Variants in ATP10B observed in about 807,000 individuals in gnomAD.
The protein encoded by ATP10B is phospholipid-transporting ATPase VB.
A neutral mutation model predicts 141.2 loss-of-function variants in ATP10B; 122 were observed. The ratio of observed to expected loss-of-function variants is 0.86; its 90% CI spans 0.75 to 1.00. The LOEUF is 1.00. Among genes scored for constraint, ATP10B ranks in the 50% least tolerant of loss-of-function variants. The pLI, the probability that ATP10B is intolerant of heterozygous loss-of-function variation, is 0.00. For missense variants in ATP10B, 1,876 were observed against 1,825.3 expected, an observed-to-expected ratio of 1.03 and a Z score of -0.51; for synonymous variants, 685 against 692.0, an observed-to-expected ratio of 0.99 and a Z score of 0.16.
Position 160,632,312 on chromosome 5 carries a change from T to A in ATP10B, c.1437A>T (p.Gln479His). 1 of 1,614,208 alleles carries A rather than the reference T, an allele frequency of 6.2e-7. No homozygotes were observed. Among genetic ancestry groups the A allele is most frequent in the East Asian group, 2.2e-5 (1 of 44,882 alleles). ...ELDSDGEEWTQYQCLSFSARW... is the reference protein window; with the variant it reads ...ELDSDGEEWTHYQCLSFSARW... ...TAGCCGAGAAGGACAGGCATTGGTA[T>A]TGGGTCCACTCTTCACCATCTGAGT... Residue 479 changes from glutamine (Q) to histidine (H), a missense_variant, in exon 13 of 26, where the codon CAA becomes CAT. By Grantham distance (24) the Gln-to-His change is conservative. Coordinates refer to ENST00000327245, the MANE Select transcript of ATP10B (RefSeq NM_025153.3).
intron 2 of ATP10B, among the ~76,000 whole-genome samples, chr5:160,743,949 A>T (rs1166685689): frequency 2.6e-5 from 4 of 152,194 alleles, no homozygotes; most frequent in Non-Finnish European, 1.5e-5. Context: ...AGCTCCCACA[A>T]CAAAGAATTA....
intron 2 of ATP10B, among the ~76,000 whole-genome samples, chr5:160,728,926 A>G (rs571020418): frequency 1.3e-5 from 2 of 152,206 alleles, no homozygotes; most frequent in Non-Finnish European, 2.9e-5. Context: ...GCCCAGGAAA[A>G]TGAAAATCAA....
intron 1 of ATP10B, among the ~76,000 whole-genome samples, chr5:160,822,989 C>CATATATATATACAT (rs1179913686): frequency 1.4e-5 from 1 of 69,706 alleles, no homozygotes; most frequent in Admixed American, 2.1e-4. Flanking sequence ...ATTACATATA[C>CATATATATATACAT]ATATATATAT....
In ATP10B at chr5:160,603,961, A is replaced by G. The variant is rs1561645434; in HGVS notation, c.3237+4T>C. 6.2e-7 allele frequency: 1 copy of G among 1,610,486 alleles called. No individual in the cohort carries two copies. The highest frequency in any genetic ancestry group is 2.2e-5 in the East Asian group (1 of 44,848). The stretch of plus-strand genomic sequence containing the variant: ...GAAAGAAGAATAGTTGCAGAGAACA[A>G]TACCTGCATGCCTTCCTGTCCAGAT... On this transcript the variant is annotated splice_donor_region_variant and intron_variant, in intron 20 of 25. Transcript: ENST00000327245.
At chr5:160,892,837 T>G in the ATP10B span, among the ~76,000 whole-genome samples, 1 of 152,188 alleles carries the variant, frequency 6.6e-6, no homozygotes. Context: ...CATTTCAAAC[T>G]GAGGTACCTG....
the ATP10B span, among the ~76,000 whole-genome samples, chr5:160,918,050 G>C: frequency 6.6e-6 from 1 of 152,216 alleles, no homozygotes; most frequent in African/African-American, 2.4e-5. Flanking sequence ...AAGGAGAGCT[G>C]CGTGTTCTCA....
chr5:160,565,255 G>C lies in ATP10B; in HGVS notation c.*198C>G, dbSNP rs1754460893. On this transcript the variant is annotated 3_prime_UTR_variant, in exon 26 of 26. Coordinates refer to ENST00000327245, the MANE Select transcript of ATP10B (RefSeq NM_025153.3). ...CAAGATGTGCTGCCTGAGAGCAGCA[G>C]AAAACTAGAGGCCGACTGGGTTTCC... 1.7e-6 allele frequency: 1 copy of C among 600,822 alleles called. No individual in the cohort carries two copies. The highest frequency in any genetic ancestry group is 3.0e-5 in the Admixed American group (1 of 33,272). 37.2% of individuals were successfully genotyped at this position (600,822 alleles called of 1,614,324 possible). A position where few individuals can be genotyped will look rare whatever the true frequency, so the allele number is the denominator to read the frequency against.
At chr5:160,709,027 A>G (rs1306141579) in intron 3 of ATP10B, among the ~76,000 whole-genome samples, 1 of 152,214 alleles carries the variant, frequency 6.6e-6, no homozygotes, top group Non-Finnish European at 1.5e-5. Context: ...GTACAGACAG[A>G]CAGACCCCTT....
the ATP10B span, among the ~76,000 whole-genome samples, chr5:160,884,682 G>A: frequency 2.6e-5 from 4 of 152,002 alleles, no homozygotes; most frequent in African/African-American, 7.2e-5. Flanking sequence ...ATTGATATAA[G>A]TATTCCATTT....
chr5:160,909,527 C>T, the ATP10B span, among the ~76,000 whole-genome samples: 1 of 152,156 alleles, frequency 6.6e-6, no homozygotes, highest in Non-Finnish European at 1.5e-5. Flanking sequence ...GGTAAGTTTC[C>T]TGAATGCAGG....
At chr5:160,786,263 T>C (rs1203404297) in intron 1 of ATP10B, among the ~76,000 whole-genome samples, 2 of 152,132 alleles carry the variant, frequency 1.3e-5, no homozygotes, top group African/African-American at 4.8e-5. Flanking sequence ...GAAGCCAACA[T>C]GGGAAATCAA....
chr5:160,862,970 C>CA, the ATP10B span, among the ~76,000 whole-genome samples: 2 of 151,980 alleles, frequency 1.3e-5, no homozygotes, highest in African/African-American at 4.8e-5. Flanking sequence ...ACAAAAGAAA[C>CA]ATAGTGCTTT....
At chr5:160,675,681 A>G (rs1481894010) in intron 6 of ATP10B, among the ~76,000 whole-genome samples, 1 of 152,186 alleles carries the variant, frequency 6.6e-6, no homozygotes, top group Non-Finnish European at 1.5e-5. Context: ...CCATGTCACT[A>G]ACCCAGGGTG....
At chr5:160,923,593 A>G in the ATP10B span, among the ~76,000 whole-genome samples, 1 of 152,218 alleles carries the variant, frequency 6.6e-6, no homozygotes, top group Admixed American at 6.5e-5. Flanking sequence ...CACAGACATT[A>G]AAGAGGATGA....
At chr5:160,707,977 G>A (rs1765116531) in intron 3 of ATP10B, among the ~76,000 whole-genome samples, 5 of 152,174 alleles carry the variant, frequency 3.3e-5, no homozygotes, top group Admixed American at 3.3e-4. Context: ...ATGCCTCCAG[G>A]AAATATCCAC....
chr5:160,610,953 T>C (rs959600651), intron 18 of ATP10B, among the ~76,000 whole-genome samples: 3 of 152,146 alleles, frequency 2.0e-5, no homozygotes, highest in Admixed American at 6.5e-5. Context: ...CCTAAATCAA[T>C]TTATAGTGAA....
the ATP10B span, among the ~76,000 whole-genome samples, chr5:160,928,838 C>A: frequency 6.6e-6 from 1 of 152,248 alleles, no homozygotes; most frequent in South Asian, 2.1e-4. Context: ...ATAGACTGTC[C>A]AGACAGGCAA....
At chr5:160,867,149 C>T in the ATP10B span, among the ~76,000 whole-genome samples, 5 of 152,070 alleles carry the variant, frequency 3.3e-5, no homozygotes, top group East Asian at 9.7e-4. Flanking sequence ...AAATGTGTAG[C>T]AGTCACATAA....
the ATP10B span, among the ~76,000 whole-genome samples, chr5:160,876,949 C>A: frequency 7.0e-6 from 1 of 142,310 alleles, no homozygotes; most frequent in Non-Finnish European, 1.6e-5. Flanking sequence ...CGAATTCTAC[C>A]AGAGGTACAA....
Sources: gnomAD v4.1 joint callset for allele counts (sites outside exome capture counted in the v4.1 genomes callset) on GRCh38, gnomAD v4.1.1 for gene constraint, MANE v1.5 for transcripts, NCBI Gene and HGNC (gene_info 2026-07-23, HGNC 2026-07-21) for gene names.